Variants in CDH13 observed in about 807,000 individuals in gnomAD.
CDH13 encodes the protein cadherin-13.
CDH13 carries 24 observed loss-of-function variants against 63.8 expected under a neutral mutation model. That is an observed-to-expected ratio of 0.38 (90% CI 0.27 to 0.53). CDH13 has a LOEUF of 0.53. CDH13 is among the 20% of genes least tolerant of loss of function. The pLI is 0.85. For synonymous variants in CDH13, 503 were observed against 355.3 expected (o/e 1.42, Z -4.67); for missense variants, 1,049 against 903.1 (o/e 1.16, Z -2.07).
At chr16:83,580,678 G>T (rs1051111909) in intron 7 of CDH13, among the ~76,000 whole-genome samples, 1 of 152,024 alleles carries the variant, frequency 6.6e-6, no homozygotes, top group Non-Finnish European at 1.5e-5. Flanking sequence ...ATATTTCTTT[G>T]TAGAGACAGG....
intron 1 of CDH13, among the ~76,000 whole-genome samples, chr16:82,658,231 G>A (rs373078680): frequency 1.2e-4 from 19 of 152,214 alleles, no homozygotes; most frequent in African/African-American, 4.6e-4. Flanking sequence ...CACAAAAGTT[G>A]TGAGCAGGGA....
rs80011744 is a variant in CDH13 at position 82,864,439 on chromosome 16, G to A, written c.157+5966G>A. 9.9e-3 allele frequency among the ~76,000 whole-genome samples: 1,510 copies of A among 152,220 alleles called. 29 individuals carry two copies. Among genetic ancestry groups the A allele is most frequent in the African/African-American group, 0.035 (1,434 of 41,504 alleles). On this transcript the variant is annotated intron_variant, in intron 2 of 13. Transcript: ENST00000567109. Reference sequence around the variant, plus strand: ...CATGGCTGAGGGGTGGCCTCGGGAAGCTTACAATCATGGCAGAAGGTGAAG... The same window carrying A: ...CATGGCTGAGGGGTGGCCTCGGGAAACTTACAATCATGGCAGAAGGTGAAG...
intron 6 of CDH13, among the ~76,000 whole-genome samples, chr16:83,402,700 G>A (rs1178058185): frequency 1.3e-5 from 2 of 152,194 alleles, no homozygotes; most frequent in African/African-American, 4.8e-5. Context: ...TCAAGCATTA[G>A]CATAGTGCCC....
In CDH13 at chr16:83,788,070, C is replaced by T. The variant is rs541775070; in HGVS notation, c.2134+4598C>T. On this transcript the variant is annotated intron_variant, in intron 13 of 13. Coordinates refer to ENST00000567109, the MANE Select transcript of CDH13 (RefSeq NM_001257.5). The stretch of plus-strand genomic sequence containing the variant: ...TGTGTAGTGGGAATGCATATACACA[C>T]GTACATGTATGTTTGTGTGCACGCA... Among the ~76,000 whole-genome samples the T allele has an allele frequency of 3.3e-5, 5 of 152,316 alleles. No homozygotes were observed. In the East Asian group the frequency reaches 5.8e-4, roughly 18 times the overall value.
intron 7 of CDH13, among the ~76,000 whole-genome samples, chr16:83,595,816 C>T (rs1598346647): frequency 1.6e-5 from 2 of 122,458 alleles, no homozygotes; most frequent in African/African-American, 5.1e-5. Flanking sequence ...GAACATACAA[C>T]ATTGTTTTCA....
At chr16:82,838,993 G>C (rs2038891222) in intron 1 of CDH13, among the ~76,000 whole-genome samples, 2 of 152,240 alleles carry the variant, frequency 1.3e-5, no homozygotes, top group East Asian at 3.8e-4. Context: ...TGCCATTGTA[G>C]CATGAAAGCA....
At chr16:83,143,679 G>T (rs1424244166) in intron 4 of CDH13, among the ~76,000 whole-genome samples, 1 of 152,272 alleles carries the variant, frequency 6.6e-6, no homozygotes, top group East Asian at 1.9e-4. Context: ...AAGAATGAGT[G>T]CAGGGATTGT....
chr16:82,803,650 G>A (rs1341697439), intron 1 of CDH13, among the ~76,000 whole-genome samples: 1 of 152,162 alleles, frequency 6.6e-6, no homozygotes, highest in African/African-American at 2.4e-5. Context: ...TCATACAAAA[G>A]AAGAAAGTCC....
intron 7 of CDH13, among the ~76,000 whole-genome samples, chr16:83,509,725 A>G (rs988735152): frequency 1.3e-5 from 2 of 152,238 alleles, no homozygotes; most frequent in African/African-American, 4.8e-5. Context: ...TGGTGGTAGT[A>G]AAAAATACTA....
At chr16:83,425,262 A>G (rs981513715) in intron 6 of CDH13, among the ~76,000 whole-genome samples, 12 of 152,236 alleles carry the variant, frequency 7.9e-5, no homozygotes, top group Admixed American at 6.5e-4. Flanking sequence ...ATGGGACCCA[A>G]TATGTCATCT....
chr16:82,743,289 C>G (rs1208335755), intron 1 of CDH13, among the ~76,000 whole-genome samples: 1 of 152,116 alleles, frequency 6.6e-6, no homozygotes, highest in Non-Finnish European at 1.5e-5. Flanking sequence ...CGCGGTGGCA[C>G]TCTCTCAGCT....
At chr16:82,899,756 G>A (rs577003820) in intron 2 of CDH13, among the ~76,000 whole-genome samples, 12 of 152,116 alleles carry the variant, frequency 7.9e-5, no homozygotes, top group Non-Finnish European at 1.5e-4. Flanking sequence ...TTGTCAACAA[G>A]GACATAAAGC....
At chr16:83,361,650 A>C (rs1474586603) in intron 6 of CDH13, among the ~76,000 whole-genome samples, 1 of 152,170 alleles carries the variant, frequency 6.6e-6, no homozygotes, top group Non-Finnish European at 1.5e-5. Context: ...GAATATGGCT[A>C]TCCAGGTATC....
chr16:82,651,521 T>C (rs1258221285), intron 1 of CDH13, among the ~76,000 whole-genome samples: 2 of 152,208 alleles, frequency 1.3e-5, no homozygotes, highest in Admixed American at 6.5e-5. Flanking sequence ...GGAGAGTATA[T>C]GGGTGGCGTA....
At chr16:82,725,992 G>C (rs1567470246) in intron 1 of CDH13, among the ~76,000 whole-genome samples, 1 of 152,114 alleles carries the variant, frequency 6.6e-6, no homozygotes, top group African/African-American at 2.4e-5. Context: ...GTGCACAGAG[G>C]GTGGCCGTGC....
chr16:83,113,761 C>G (rs2035173744), intron 3 of CDH13, among the ~76,000 whole-genome samples: 1 of 152,114 alleles, frequency 6.6e-6, no homozygotes, highest in African/African-American at 2.4e-5. Context: ...GAAGGGAAGT[C>G]ACAAGGTGAG....
intron 1 of CDH13, among the ~76,000 whole-genome samples, chr16:82,758,216 G>C (rs2034694097): frequency 6.6e-6 from 1 of 152,038 alleles, no homozygotes; most frequent in Non-Finnish European, 1.5e-5. Flanking sequence ...TTGGTTCTTT[G>C]AGCTATGAGA....
At chr16:83,352,157 A>G (rs1338685885) in intron 6 of CDH13, among the ~76,000 whole-genome samples, 1 of 151,948 alleles carries the variant, frequency 6.6e-6, no homozygotes, top group Non-Finnish European at 1.5e-5. Context: ...TTATGGTACA[A>G]TTCACTGTAA....
chr16:83,004,647 G>T (rs746167016), intron 2 of CDH13, among the ~76,000 whole-genome samples: 1 of 151,952 alleles, frequency 6.6e-6, no homozygotes, highest in African/African-American at 2.4e-5. Flanking sequence ...ACAGGTGCCC[G>T]CCACCACACC....
Sources: gnomAD v4.1 joint callset for allele counts (sites outside exome capture counted in the v4.1 genomes callset) on GRCh38, gnomAD v4.1.1 for gene constraint, MANE v1.5 for transcripts, NCBI Gene and HGNC (gene_info 2026-07-23, HGNC 2026-07-21) for gene names.